NAALADL2: variants seen among roughly 807,000 people sequenced by gnomAD.
The protein encoded by NAALADL2 is N-acetylated alpha-linked acidic dipeptidase like 2, also known as inactive N-acetylated-alpha-linked acidic dipeptidase-like protein 2.
Under a neutral mutation model 87.2 loss-of-function variants are expected in NAALADL2, and 76 were observed. The observed-to-expected ratio is 0.87, with a 90% CI of 0.72 to 1.05. The LOEUF (loss-of-function observed/expected upper bound fraction) is 1.05. Ranked by LOEUF, NAALADL2 falls within the 50% of genes least tolerant of loss-of-function variation. The probability of loss-of-function intolerance (pLI) is 0.00; values close to 1 mark genes in which losing one functional copy is unlikely to be tolerated. For missense variants in NAALADL2, 1,089 were observed against 945.8 expected (o/e 1.15, Z -1.99); for synonymous variants, 354 against 331.0 (o/e 1.07, Z -0.75).
intron 5 of NAALADL2, among the ~76,000 whole-genome samples, chr3:175,334,748 G>T (rs928454538): frequency 6.6e-6 from 1 of 152,128 alleles, no homozygotes; most frequent in Non-Finnish European, 1.5e-5. Flanking sequence ...GGTTTGCAAG[G>T]GTTTTATTAA....
At chr3:174,987,827 T>TATTTATATATAA (rs1222203525) in intron 1 of NAALADL2, among the ~76,000 whole-genome samples, 20 of 130,448 alleles carry the variant, frequency 1.5e-4, no homozygotes, top group African/African-American at 7.4e-4. Flanking sequence ...TATATATATA[T>TATTTATATATAA]AATGAGACCT....
At chr3:174,709,478 C>T (rs945703940) in intron 2 of NAALADL2, among the ~76,000 whole-genome samples, 2 of 152,088 alleles carry the variant, frequency 1.3e-5, no homozygotes, top group African/African-American at 4.8e-5. Flanking sequence ...CACTGAAAAA[C>T]AACTCCAAGA....
chr3:174,919,015 C>T (rs554423057), intron 1 of NAALADL2, among the ~76,000 whole-genome samples: 1 of 151,350 alleles, frequency 6.6e-6, no homozygotes, highest in Non-Finnish European at 1.5e-5. Flanking sequence ...TCTACTACAG[C>T]CTATTAGGGT....
intron 13 of NAALADL2, among the ~76,000 whole-genome samples, chr3:175,758,626 C>T (rs1389631521): frequency 1.3e-5 from 2 of 151,958 alleles, no homozygotes; most frequent in Admixed American, 1.3e-4. Context: ...GATTTCCACT[C>T]TCAATGCTTA....
chr3:175,408,310 T>C lies in NAALADL2; in HGVS notation c.1091-38919T>C, dbSNP rs1712811254. 2.6e-5 allele frequency among the ~76,000 whole-genome samples: 4 copies of C among 152,052 alleles called. No individual in the cohort carries two copies. In the South Asian group the frequency reaches 8.3e-4, roughly 32 times the overall value. On this transcript the variant is annotated intron_variant, in intron 5 of 13. Transcript: ENST00000454872. ...CACTGGACAAAAAAAGTTAGTGAGGTGATGAATATGTTAATTAGCTTGATT... is the reference window on the plus strand; with the variant it reads ...CACTGGACAAAAAAAGTTAGTGAGGCGATGAATATGTTAATTAGCTTGATT...
At chr3:175,498,177 A>C (rs151171969) in intron 9 of NAALADL2, among the ~76,000 whole-genome samples, 5 of 152,146 alleles carry the variant, frequency 3.3e-5, no homozygotes. Context: ...AAAACGAATG[A>C]AAGAATGCCT....
At chr3:175,513,129 C>T (rs1731385900) in intron 9 of NAALADL2, among the ~76,000 whole-genome samples, 1 of 152,112 alleles carries the variant, frequency 6.6e-6, no homozygotes, top group East Asian at 1.9e-4. Context: ...TAGCAGTGTA[C>T]ACAGTCACAA....
At chr3:174,567,280 AAAT>A in intron 2 of NAALADL2, among the ~76,000 whole-genome samples, 1 of 151,812 alleles carries the variant, frequency 6.6e-6, no homozygotes, top group East Asian at 1.9e-4. Context: ...AAGTAATTTT[AAAT>A]AATAGTTCAT....
Position 175,639,318 on chromosome 3 carries a change from C to CTTTTTTTTTTTTTTTT in NAALADL2, c.1896+11937_1896+11952dup, listed in dbSNP as rs756214274. Among the ~76,000 whole-genome samples, 39 of 108,716 alleles carry CTTTTTTTTTTTTTTTT rather than the reference C, an allele frequency of 3.6e-4. 1 individual carries two copies. The highest frequency in any genetic ancestry group is 1.2e-3 in the African/African-American group (28 of 24,168). 71.3% of individuals were successfully genotyped at this position (108,716 alleles called of 152,430 possible). On this transcript the variant is annotated intron_variant, in intron 11 of 13. Transcript: ENST00000454872. ...GCAGTTTTTTTTCAAAAGCGTTATT[C>CTTTTTTTTTTTTTTTT]TTTTTTTTTTTTTTTTTTTTGAGAC...
At chr3:174,625,083 G>A (rs1025907891) in intron 2 of NAALADL2, among the ~76,000 whole-genome samples, 2 of 54,752 alleles carry the variant, frequency 3.7e-5, no homozygotes, top group African/African-American at 1.3e-4. Context: ...TTTTGAGACA[G>A]GGTCTTTCTC....
chr3:174,655,994 T>C (rs868605759), intron 2 of NAALADL2, among the ~76,000 whole-genome samples: 1 of 152,342 alleles, frequency 6.6e-6, no homozygotes, highest in South Asian at 2.1e-4. Flanking sequence ...AAGTGAGTTA[T>C]GTGTATCAAT....
intron 3 of NAALADL2, among the ~76,000 whole-genome samples, chr3:174,786,082 C>G (rs1011993493): frequency 1.3e-5 from 2 of 152,096 alleles, no homozygotes; most frequent in African/African-American, 4.8e-5. Context: ...CAGCCAGGAA[C>G]TCTATTTAAA....
intron 5 of NAALADL2, among the ~76,000 whole-genome samples, chr3:175,426,776 C>G (rs965859010): frequency 6.6e-6 from 1 of 152,082 alleles, no homozygotes; most frequent in Admixed American, 6.6e-5. Context: ...AGCTTTATCT[C>G]GTTTGCTATT....
chr3:175,374,507 T>TCATTC (rs1276621502), intron 5 of NAALADL2, among the ~76,000 whole-genome samples: 2 of 117,944 alleles, frequency 1.7e-5, no homozygotes, highest in Admixed American at 2.5e-4. Context: ...TGAACTGAGA[T>TCATTC]CATTCCAGTC....
intron 11 of NAALADL2, among the ~76,000 whole-genome samples, chr3:175,628,569 T>C (rs1243381792): frequency 6.7e-6 from 1 of 148,642 alleles, no homozygotes; most frequent in Non-Finnish European, 1.5e-5. Flanking sequence ...ATAGACTTTA[T>C]AGAGAATATT....
chr3:174,447,980 G>T (rs1220706563), intron 1 of NAALADL2, among the ~76,000 whole-genome samples: 3 of 152,130 alleles, frequency 2.0e-5, no homozygotes, highest in Non-Finnish European at 4.4e-5. Context: ...TATTATTGCT[G>T]TTATCTATCT....
chr3:174,464,208 C>T (rs1382691965), intron 1 of NAALADL2, among the ~76,000 whole-genome samples: 104 of 151,942 alleles, frequency 6.8e-4, no homozygotes. Context: ...GTTTAAGTCC[C>T]CTTAAAAGTG....
intron 2 of NAALADL2, among the ~76,000 whole-genome samples, chr3:174,625,978 T>G (rs907729798): frequency 6.6e-5 from 10 of 152,076 alleles, no homozygotes; most frequent in African/African-American, 2.4e-4. Flanking sequence ...AGTTTATAAA[T>G]TTCTATAATT....
chr3:175,236,044 A>G (rs1346354926), intron 3 of NAALADL2, among the ~76,000 whole-genome samples: 2 of 152,110 alleles, frequency 1.3e-5, no homozygotes, highest in Non-Finnish European at 2.9e-5. Context: ...GAGATATCCT[A>G]TCACTGTGCA....
Sources: allele counts gnomAD v4.1 joint callset (sites outside exome capture counted in the v4.1 genomes callset), GRCh38; gene constraint gnomAD v4.1.1; transcripts MANE v1.5; gene names NCBI Gene and HGNC (gene_info 2026-07-23, HGNC 2026-07-21).